The following TIE1 variants were observed in gnomAD, a reference collection of about 807,000 sequenced individuals.
The protein encoded by TIE1 is tyrosine-protein kinase receptor Tie-1.
In TIE1, 89 loss-of-function variants were observed where a neutral mutation model predicts 130.5. The ratio of observed to expected loss-of-function variants is 0.68; its 90% CI spans 0.57 to 0.81. The LOEUF (loss-of-function observed/expected upper bound fraction) is 0.81. TIE1 is among the 40% of genes least tolerant of loss of function. TIE1 has a pLI of 0.00. For missense variants in TIE1, 1,392 were observed against 1,559.8 expected, an observed-to-expected ratio of 0.89 and a Z score of 1.81; for synonymous variants, 568 against 629.4, an observed-to-expected ratio of 0.90 and a Z score of 1.46.
intron 22 of TIE1, 50 bp downstream of exon 22, chr1:43,321,765 GA>G (rs1646923296): frequency 6.6e-7 from 1 of 1,525,976 alleles, no homozygotes; most frequent in African/African-American, 1.4e-5. Flanking sequence ...GAGTGCTCCA[GA>G]GTGCCCTCTC....
chr1:43,322,913 CA>C lies in TIE1; in HGVS notation c.*192del. 1.7e-6 allele frequency: 1 copy of C among 574,898 alleles called. No homozygotes were observed. Among genetic ancestry groups the C allele is most frequent in the South Asian group, 2.1e-5 (1 of 46,964 alleles). 35.6% of individuals were successfully genotyped at this position (574,898 alleles called of 1,614,324 possible). A position where few individuals can be genotyped will look rare whatever the true frequency, so the allele number is the denominator to read the frequency against. On this transcript the variant is annotated 3_prime_UTR_variant, in exon 23 of 23. Transcript: ENST00000372476. This position sits in a 1 kb window ranked among gnomAD's most constrained non-coding sequence, Gnocchi z 4.0. ...GGGTTCCCATGCTTTGTAGGTGTCT[CA>C]TAGCTATCCTGGGCATCCTTCTTTC...
At chr1:43,310,185 G>T (rs1466479575) in intron 9 of TIE1, among the ~76,000 whole-genome samples, 2 of 150,904 alleles carry the variant, frequency 1.3e-5, no homozygotes, top group African/African-American at 4.9e-5. Context: ...CTGCTTTCTC[G>T]TTGCCACACT....
At position 43,305,119 on chromosome 1, in the gene TIE1, T is replaced by C; in HGVS notation, c.327T>C (p.Ala109=). The C allele has an allele frequency of 6.2e-7, 1 of 1,613,582 alleles. No homozygotes were observed. Among genetic ancestry groups the C allele is most frequent in the African/African-American group, 1.3e-5 (1 of 75,004 alleles). The change falls in exon 2 of 23, where the codon GCT becomes GCC. Residue 109 remains alanine (A), a synonymous_variant. Coordinates refer to ENST00000372476, the MANE Select transcript of TIE1 (RefSeq NM_005424.5). ...GCGTCTTCTCCTGCGTGGGCGGTGC[T>C]GGGGCGCGGCGCACGCGCGTCATCT... ...LVGVFSCVGG[A]GARRTRVIYV...
chr1:43,301,805 G>A (rs1292086060), intron 1 of TIE1, among the ~76,000 whole-genome samples: 1 of 152,222 alleles, frequency 6.6e-6, no homozygotes, highest in Non-Finnish European at 1.5e-5. Flanking sequence ...GGAGGCAGAG[G>A]TTGCAGTGAG....
At chr1:43,320,905 T>C (rs184813168) in intron 19 of TIE1, 1 of 179,192 alleles carries the variant, frequency 5.6e-6, no homozygotes, top group South Asian at 2.0e-4. Flanking sequence ...TACAAAACAT[T>C]AGCTGAGCAT....
At chr1:43,301,833 C>T (rs991721433) in intron 1 of TIE1, among the ~76,000 whole-genome samples, 4 of 152,182 alleles carry the variant, frequency 2.6e-5, no homozygotes, top group African/African-American at 7.2e-5. Flanking sequence ...CGCGCCACTG[C>T]ACTCCAGCCT....
Position 43,316,202 on chromosome 1 carries a change from G to A in TIE1, c.2410-997G>A, listed in dbSNP as rs1204499083. Among the ~76,000 whole-genome samples, 1 of 152,240 alleles carries A rather than the reference G, an allele frequency of 6.6e-6. No homozygotes were observed. Among genetic ancestry groups the A allele is most frequent in the Non-Finnish European group, 1.5e-5 (1 of 68,044 alleles). On this transcript the variant is annotated intron_variant, in intron 14 of 22. Coordinates refer to ENST00000372476, the MANE Select transcript of TIE1 (RefSeq NM_005424.5). This position sits in a 1 kb window ranked among gnomAD's most constrained non-coding sequence, Gnocchi z 4.4. The stretch of plus-strand genomic sequence containing the variant: ...ATGTTTAAATGCGTGTGTCCCAGAT[G>A]CACGTGTCCCTATGCCTGTGCACCT...
In TIE1 at chr1:43,313,025, C is replaced by A. The variant is rs897045629; in HGVS notation, c.1928-110C>A. The A allele has an allele frequency of 2.2e-6, 3 of 1,333,504 alleles. No homozygotes were observed. The highest frequency in any genetic ancestry group is 3.1e-6 in the Non-Finnish European group (3 of 977,068). The allele number at this position is 1,333,504 out of a possible 1,614,324, so 82.6% of individuals were successfully genotyped here. On this transcript the variant is annotated intron_variant, in intron 12 of 22. Transcript: ENST00000372476. The surrounding 1 kb of genome is among the most constrained non-coding windows in gnomAD (Gnocchi z 6.2). ...GAGGAGGAAGTTGGCAGGGTGGCCCCTGTGCTTGGACCCACAGAGGAGGGA... is the reference window on the plus strand; with the variant it reads ...GAGGAGGAAGTTGGCAGGGTGGCCCATGTGCTTGGACCCACAGAGGAGGGA...
At position 43,317,559 on chromosome 1, in the gene TIE1, CA is replaced by C. The variant is rs1228809658; in HGVS notation, c.2621-4del. On this transcript the variant is annotated splice_region_variant and splice_polypyrimidine_tract_variant and intron_variant, in intron 15 of 22. Transcript: ENST00000372476. This position sits in a 1 kb window ranked among gnomAD's most constrained non-coding sequence, Gnocchi z 5.1. ...TGGCAAAATAATATTGGATTCTTTA[CA>C]CAGAGTATGCCTCTGAAAATGACCA... The C allele has an allele frequency of 6.2e-7, 1 of 1,610,430 alleles. No homozygotes were observed. Among genetic ancestry groups the C allele is most frequent in the Non-Finnish European group, 8.5e-7 (1 of 1,177,762 alleles).
In TIE1 at chr1:43,322,866, A is replaced by T; in HGVS notation, c.*144A>T. On this transcript the variant is annotated 3_prime_UTR_variant, in exon 23 of 23. Transcript: ENST00000372476. This position sits in a 1 kb window ranked among gnomAD's most constrained non-coding sequence, Gnocchi z 4.0. ...AAGGGAGAAAAAAAGGGATCTGGGG[A>T]TGGGGTGGGCTTAGGGGAACTGGGT... 21 of 702,578 alleles carry T rather than the reference A, an allele frequency of 3.0e-5. No homozygotes were observed. Among genetic ancestry groups the T allele is most frequent in the Non-Finnish European group, 4.8e-5 (20 of 419,600 alleles). The allele number at this position is 702,578 out of a possible 1,614,324, so 43.5% of individuals were successfully genotyped here.
intron 7 of TIE1, 135 bp from the exon 8 acceptor site, chr1:43,308,851 G>A (rs756535961): frequency 6.0e-6 from 7 of 1,176,166 alleles, no homozygotes; most frequent in African/African-American, 1.5e-5. Flanking sequence ...GGAGTCATGC[G>A]GGCCTTTGCT....
In TIE1 at chr1:43,318,546, C is replaced by T. The variant is rs1646883816; in HGVS notation, c.2922+474C>T. Among the ~76,000 whole-genome samples the T allele has an allele frequency of 1.3e-5, 2 of 151,498 alleles. No homozygotes were observed. The highest frequency in any genetic ancestry group is 2.1e-4 in the South Asian group (1 of 4,818). Reference sequence around the variant, plus strand: ...TGAGACTGAGTCTCACTTTTTTGCCCAGGCTGGAGTGCAGTGGTGCGATTT... The same window carrying T: ...TGAGACTGAGTCTCACTTTTTTGCCTAGGCTGGAGTGCAGTGGTGCGATTT... On this transcript the variant is annotated intron_variant, in intron 17 of 22. Coordinates refer to ENST00000372476, the MANE Select transcript of TIE1 (RefSeq NM_005424.5). The surrounding 1 kb of genome is among the most constrained non-coding windows in gnomAD (Gnocchi z 4.4).
At chr1:43,320,762 G>A (rs1264700330) in intron 19 of TIE1, 2 of 152,270 alleles carry the variant, frequency 1.3e-5, no homozygotes, top group Non-Finnish European at 2.9e-5. Context: ...GGCTGAGGCA[G>A]GAGAATGGCG....
At position 43,308,796 on chromosome 1, in the gene TIE1, G is replaced by C. The variant is rs149632480; in HGVS notation, c.1043-190G>C. 1.8e-4 allele frequency: 132 copies of C among 745,378 alleles called. No individual in the cohort carries two copies. The African/African-American group carries it at 2.1e-3, about 12-fold the overall frequency. 46.2% of individuals were successfully genotyped at this position (745,378 alleles called of 1,614,324 possible). ...TATCGGGAAGTGGGGAGGTGGTTAGGAAGTAGACTTTGCAGCTGATGGGAT... is the reference window on the plus strand; with the variant it reads ...TATCGGGAAGTGGGGAGGTGGTTAGCAAGTAGACTTTGCAGCTGATGGGAT... On this transcript the variant is annotated intron_variant, in intron 7 of 22. Coordinates refer to ENST00000372476, the MANE Select transcript of TIE1 (RefSeq NM_005424.5).
At chr1:43,310,204 C>G (rs1040080899) in intron 9 of TIE1, among the ~76,000 whole-genome samples, 3 of 152,118 alleles carry the variant, frequency 2.0e-5, no homozygotes, top group African/African-American at 4.8e-5. Flanking sequence ...CTCTGCCTCC[C>G]AGGTCCTCGC....
At chr1:43,308,510 A>ACTCAGGTTTGGGTACC (rs1246859644) in intron 7 of TIE1, among the ~76,000 whole-genome samples, 16 of 151,904 alleles carry the variant, frequency 1.1e-4, no homozygotes, top group East Asian at 1.9e-4. Context: ...GGGACTGGGG[A>ACTCAGGTTTGGGTACC]AATGGTCAGA....
Position 43,304,347 on chromosome 1 carries a change from A to G in TIE1, c.59-504A>G, listed in dbSNP as rs142690301. 1.4e-3 allele frequency among the ~76,000 whole-genome samples: 208 copies of G among 152,320 alleles called. No individual in the cohort carries two copies. In the East Asian group the frequency reaches 0.015, roughly 11 times the overall value. ...TCCATAGTGACAGAGAGGGGGACCC[A>G]TGGGACACTTCTGTTCTGGCTGGCT... On this transcript the variant is annotated intron_variant, in intron 1 of 22. Transcript: ENST00000372476.
Position 43,312,515 on chromosome 1 carries a change from C to A in TIE1, c.1841C>A (p.Thr614Asn), listed in dbSNP as rs762509613. The change falls in exon 12 of 23, where the codon ACC becomes AAC. Residue 614 changes from threonine to asparagine, a missense_variant. Thr to Asn is a moderately conservative substitution (Grantham distance 65). Transcript: ENST00000372476. The surrounding 1 kb of genome is among the most constrained non-coding windows in gnomAD (Gnocchi z 5.6). ...CTCCTGACGGGACTCACGCCTGGCA[C>A]CCACTACCAGCTGGATGTGCAGCTC... ...TALLTGLTPG[T>N]HYQLDVQLYH... The A allele has an allele frequency of 7.4e-6, 12 of 1,613,264 alleles. No individual in the cohort carries two copies. The highest frequency in any genetic ancestry group is 1.0e-5 in the Non-Finnish European group (12 of 1,179,914).
In TIE1 at chr1:43,319,528, G is replaced by T. The variant is rs1234242012; in HGVS notation, c.3106G>T (p.Val1036Phe). Residue 1036 changes from valine (V) to phenylalanine (F), a missense_variant and splice_region_variant, in exon 19 of 23, where the codon GTC (valine) becomes TTC (phenylalanine). This residue lies in a region of TIE1 where 8 missense variants were observed against 31.1 expected (regional missense o/e 0.26). Coordinates refer to ENST00000372476, the MANE Select transcript of TIE1 (RefSeq NM_005424.5). This position sits in a 1 kb window ranked among gnomAD's most constrained non-coding sequence, Gnocchi z 4.7. ...CAGTGTCTATACCACCAAGAGTGAT[G>T]TGTGAGTGTGAGATGAGAGGGCACA... Reference protein sequence around the residue: ...NYSVYTTKSDVWSFGVLLWEI... With the variant: ...NYSVYTTKSDFWSFGVLLWEI... The T allele has an allele frequency of 6.2e-7, 1 of 1,613,884 alleles. No individual in the cohort carries two copies. The highest frequency in any genetic ancestry group is 1.3e-5 in the African/African-American group (1 of 74,868).
Sources: gnomAD v4.1 joint callset for allele counts (sites outside exome capture counted in the v4.1 genomes callset) on GRCh38, gnomAD v4.1.1 for gene constraint, gnomAD v4.1.1 regional missense constraint, Gnocchi (gnomAD v3.1) non-coding constraint, MANE v1.5 for transcripts, NCBI Gene and HGNC (gene_info 2026-07-23, HGNC 2026-07-21) for gene names.